Variants in FBXO47 observed in about 807,000 individuals in gnomAD.
FBXO47 encodes the protein F-box protein 47.
Under a neutral mutation model 53.9 loss-of-function variants are expected in FBXO47, and 34 were observed. The ratio of observed to expected loss-of-function variants is 0.63; its 90% CI spans 0.48 to 0.84. The LOEUF is 0.84. FBXO47 is among the 40% of genes least tolerant of loss of function. The pLI, the probability that FBXO47 is intolerant of heterozygous loss-of-function variation, is 0.00. For missense variants in FBXO47, 485 were observed against 541.3 expected (o/e 0.90, Z 1.03); for synonymous variants, 165 against 181.6 (o/e 0.91, Z 0.73).
intron 3 of FBXO47, among the ~76,000 whole-genome samples, chr17:38,960,933 A>C (rs938348363): frequency 2.0e-5 from 3 of 152,086 alleles, no homozygotes; most frequent in African/African-American, 7.2e-5. Context: ...CAGCCAGCCG[A>C]AAAATTATAT....
chr17:38,941,080 A>T (rs1352053267), intron 9 of FBXO47, among the ~76,000 whole-genome samples: 1 of 151,504 alleles, frequency 6.6e-6, no homozygotes, highest in Non-Finnish European at 1.5e-5. Context: ...GACCACCCAG[A>T]CTCAAGTGAT....
intron 3 of FBXO47, among the ~76,000 whole-genome samples, 175 bp downstream of exon 3, chr17:38,961,702 C>T (rs748720641): frequency 6.6e-6 from 1 of 152,124 alleles, no homozygotes; most frequent in Non-Finnish European, 1.5e-5. Flanking sequence ...CATTTTCTCA[C>T]CTTTAAAGAT....
rs547526184 is a variant in FBXO47, at chr17:38,941,185, T to G, written c.1083+1593A>C. 1.3e-3 allele frequency among the ~76,000 whole-genome samples: 192 copies of G among 151,594 alleles called. 2 individuals are homozygous for G. The Middle Eastern group carries it at 0.034, about 27-fold the overall frequency. On this transcript the variant is annotated intron_variant, in intron 9 of 10. Transcript: ENST00000378079. ...ATTTTTTATTATTTATTTATTTATT[T>G]TTTTGAGACAGCATCTCACTCTGTC...
chr17:38,961,993 A>G lies in FBXO47; in HGVS notation c.236T>C (p.Ile79Thr). The change falls in exon 3 of 11, where the codon ATT (isoleucine) becomes ACT (threonine). Residue 79 changes from isoleucine to threonine, a missense_variant. Ile to Thr is a moderately conservative substitution (Grantham distance 89). Coordinates refer to ENST00000378079, the MANE Select transcript of FBXO47 (RefSeq NM_001008777.3). ...MVSKTVSQHIINYISTSSGSK... is the reference protein window; with the variant it reads ...MVSKTVSQHITNYISTSSGSK... ...TCCTGATGAGGTTGAGATATAATTA[A>G]TAATGTGTTGGCTGACTGTTTTGGA... 1 of 1,614,024 alleles carries G rather than the reference A, an allele frequency of 6.2e-7. No homozygotes were observed. The highest frequency in any genetic ancestry group is 8.5e-7 in the Non-Finnish European group (1 of 1,179,984).
Position 38,938,552 on chromosome 17 carries a change from AC to A in FBXO47, c.1243+20del. ...AGCGCATTTTTACGCACACCTGTGC[AC>A]CAAGTACATTCCTACTCACCAGACA... On this transcript the variant is annotated intron_variant, in intron 10 of 10. Transcript: ENST00000378079. The A allele has an allele frequency of 6.3e-7, 1 of 1,587,406 alleles. No individual in the cohort carries two copies. The highest frequency in any genetic ancestry group is 8.6e-7 in the Non-Finnish European group (1 of 1,160,960).
Position 38,936,772 on chromosome 17 carries a change from T to C in FBXO47, c.*403A>G, listed in dbSNP as rs1395879257. On this transcript the variant is annotated 3_prime_UTR_variant, in exon 11 of 11. Coordinates refer to ENST00000378079, the MANE Select transcript of FBXO47 (RefSeq NM_001008777.3). ...AATCTTCACAAAACATTCTGGGCTA[T>C]GTCTATACAACTTAAACAAAGTGAA... 1.3e-5 allele frequency: 2 copies of C among 154,578 alleles called. No homozygotes were observed. The highest frequency in any genetic ancestry group is 2.9e-5 in the Non-Finnish European group (2 of 69,780). 9.6% of individuals were successfully genotyped at this position (154,578 alleles called of 1,614,324 possible).
chr17:38,950,322 G>T (rs1248181103), intron 6 of FBXO47, among the ~76,000 whole-genome samples: 2 of 151,760 alleles, frequency 1.3e-5, no homozygotes, highest in African/African-American at 4.8e-5. Flanking sequence ...TGTTTTCAAG[G>T]TTCATCCATG....
chr17:38,946,351 A>AAATATATAAATATATATAAATATATAG (rs1904827227), intron 6 of FBXO47, among the ~76,000 whole-genome samples: 1 of 46,268 alleles, frequency 2.2e-5, no homozygotes, highest in Non-Finnish European at 3.6e-5. Context: ...TAAATATATA[A>AAATATATAAATATATATAAATATATAG]ATATATATAA....
intron 7 of FBXO47, among the ~76,000 whole-genome samples, chr17:38,944,651 G>A (rs555171725): frequency 1.3e-5 from 2 of 148,188 alleles, no homozygotes; most frequent in East Asian, 2.0e-4. Context: ...GCAGTGAGCC[G>A]AGATTGCGCC....
At chr17:38,965,470 A>G (rs555842888) in intron 1 of FBXO47, among the ~76,000 whole-genome samples, 2 of 152,294 alleles carry the variant, frequency 1.3e-5, no homozygotes, top group South Asian at 4.1e-4. Flanking sequence ...AAAGAAATTT[A>G]GTGTTTAGTG....
At chr17:38,947,063 T>C (rs1456433897) in intron 6 of FBXO47, among the ~76,000 whole-genome samples, 22 of 133,578 alleles carry the variant, frequency 1.6e-4, no homozygotes, top group African/African-American at 2.3e-4. Flanking sequence ...CATATATAAA[T>C]ATATATAAAC....
intron 9 of FBXO47, among the ~76,000 whole-genome samples, chr17:38,940,492 C>G (rs1019513940): frequency 6.6e-6 from 1 of 151,836 alleles, no homozygotes; most frequent in Admixed American, 6.6e-5. Context: ...AAAACCCTTC[C>G]TTACCTAGCC....
chr17:38,964,126 T>C (rs2143974122), intron 1 of FBXO47, among the ~76,000 whole-genome samples: 1 of 152,204 alleles, frequency 6.6e-6, no homozygotes, highest in Middle Eastern at 3.4e-3. Context: ...AATAAATACA[T>C]GAATAGTAAT....
intron 6 of FBXO47, among the ~76,000 whole-genome samples, chr17:38,945,555 T>C (rs757418996): frequency 2.6e-5 from 4 of 152,124 alleles, no homozygotes; most frequent in Admixed American, 1.3e-4. Flanking sequence ...TGCCAGCACG[T>C]TGTGAAGCCG....
At chr17:38,959,624 TTGTGTGTG>T (rs34354922) in intron 3 of FBXO47, among the ~76,000 whole-genome samples, 1 of 126,200 alleles carries the variant, frequency 7.9e-6, no homozygotes, top group Non-Finnish European at 1.6e-5. Context: ...CTTCAAAGCA[TTGTGTGTG>T]TGTGTGTGTG....
chr17:38,958,031 A>G (rs544693784), intron 3 of FBXO47, among the ~76,000 whole-genome samples: 30 of 152,094 alleles, frequency 2.0e-4, no homozygotes, highest in Non-Finnish European at 4.0e-4. Flanking sequence ...AGGTTTCACC[A>G]TGTTGGCCAG....
chr17:38,941,007 T>C (rs941780764), intron 9 of FBXO47, among the ~76,000 whole-genome samples: 2 of 151,590 alleles, frequency 1.3e-5, no homozygotes, highest in Non-Finnish European at 2.9e-5. Context: ...TTTTTTGAGA[T>C]GAGATCTCAT....
At chr17:38,940,361 T>C (rs1172177123) in intron 9 of FBXO47, among the ~76,000 whole-genome samples, 1 of 151,956 alleles carries the variant, frequency 6.6e-6, no homozygotes, top group Non-Finnish European at 1.5e-5. Flanking sequence ...TCATTACATT[T>C]GCTATAGTGC....
intron 3 of FBXO47, among the ~76,000 whole-genome samples, chr17:38,957,810 C>T (rs936998252): frequency 1.3e-4 from 20 of 151,166 alleles, no homozygotes; most frequent in Admixed American, 8.0e-4. Context: ...CAGTGATCCT[C>T]GTGTGTGCCA....
Sources: gnomAD v4.1 joint callset for allele counts (sites outside exome capture counted in the v4.1 genomes callset) on GRCh38, gnomAD v4.1.1 for gene constraint, MANE v1.5 for transcripts, NCBI Gene and HGNC (gene_info 2026-07-23, HGNC 2026-07-21) for gene names.